The following LMNTD1 variants were observed in gnomAD, a reference collection of about 807,000 sequenced individuals.
The protein encoded by LMNTD1 is lamin tail domain-containing protein 1.
LMNTD1 carries 35 observed loss-of-function variants against 50.9 expected under a neutral mutation model. That is an observed-to-expected ratio of 0.69 (90% CI 0.53 to 0.91). The LOEUF (loss-of-function observed/expected upper bound fraction) is 0.91, where lower values mean the gene tolerates loss of function less well. LMNTD1 is among the 40% of genes least tolerant of loss of function. The pLI is 0.00. For synonymous variants in LMNTD1, 153 were observed against 161.9 expected, an observed-to-expected ratio of 0.94 and a Z score of 0.42; for missense variants, 470 against 475.5, an observed-to-expected ratio of 0.99 and a Z score of 0.11.
chr12:25,554,300 A>G (rs892365376), upstream of LMNTD1, among the ~76,000 whole-genome samples: 8 of 152,192 alleles, frequency 5.3e-5, no homozygotes, highest in Non-Finnish European at 5.9e-5. Context: ...TCTCTACTTG[A>G]ACTGCATATA....
intron 1 of LMNTD1, among the ~76,000 whole-genome samples, chr12:25,588,933 A>G (rs1945618871): frequency 6.6e-6 from 1 of 152,198 alleles, no homozygotes; most frequent in Non-Finnish European, 1.5e-5. Flanking sequence ...TCACAATGAG[A>G]TACTATTTAA....
At chr12:25,591,323 A>G (rs1305946626) in intron 1 of LMNTD1, among the ~76,000 whole-genome samples, 1 of 152,214 alleles carries the variant, frequency 6.6e-6, no homozygotes, top group African/African-American at 2.4e-5. Flanking sequence ...ACTGGCAGGC[A>G]GCATTCACCA....
chr12:25,541,205 T>C lies in LMNTD1; in HGVS notation c.491+5169A>G, dbSNP rs1415415980. Among the ~76,000 whole-genome samples, 2 of 78,910 alleles carry C rather than the reference T, an allele frequency of 2.5e-5. 1 individual carries two copies. The allele number at this position is 78,910 out of a possible 152,430, so 51.8% of individuals were successfully genotyped here. On this transcript the variant is annotated intron_variant, in intron 4 of 9. Transcript: ENST00000458174. ...CCCATCAAGCTACCAATGCCTTTCT[T>C]CACAGAATTGGAAAAAACTACTTTA...
At chr12:25,519,608 A>AAAAAAAAAAAAT (rs1941128354) in intron 7 of LMNTD1, among the ~76,000 whole-genome samples, 1 of 147,542 alleles carries the variant, frequency 6.8e-6, no homozygotes, top group Non-Finnish European at 1.5e-5. Flanking sequence ...AAAAAAAAAA[A>AAAAAAAAAAAAT]GTGAAATGGC....
intron 1 of LMNTD1, among the ~76,000 whole-genome samples, chr12:25,601,147 C>A (rs367711651): frequency 6.6e-6 from 1 of 151,950 alleles, no homozygotes; most frequent in African/African-American, 2.4e-5. Flanking sequence ...TCATTTGCAA[C>A]AACATGGATG....
intron 3 of LMNTD1, among the ~76,000 whole-genome samples, chr12:25,547,631 G>T (rs926617641): frequency 2.0e-5 from 3 of 151,332 alleles, no homozygotes; most frequent in East Asian, 3.9e-4. Flanking sequence ...AAAGTATTTT[G>T]CTGAGAAAAA....
chr12:25,527,681 T>TATATACACAC (rs1463259109), intron 4 of LMNTD1, among the ~76,000 whole-genome samples: 13 of 32,342 alleles, frequency 4.0e-4, no homozygotes, highest in Admixed American at 1.2e-3. Flanking sequence ...TATATATATA[T>TATATACACAC]ACACACACAC....
At chr12:25,638,508 T>C (rs1946884479) in intron 1 of LMNTD1, among the ~76,000 whole-genome samples, 3 of 151,982 alleles carry the variant, frequency 2.0e-5, no homozygotes, top group Non-Finnish European at 4.4e-5. Context: ...AAGATTAATA[T>C]ACAAAAAATA....
At chr12:25,487,859 C>G (rs1938714092) in intron 9 of LMNTD1, among the ~76,000 whole-genome samples, 1 of 88,340 alleles carries the variant, frequency 1.1e-5, no homozygotes, top group Non-Finnish European at 2.2e-5. Flanking sequence ...ATTTGCTTGT[C>G]TGTAAAGTAT....
At chr12:25,598,956 T>A (rs1003013568) in intron 1 of LMNTD1, among the ~76,000 whole-genome samples, 3 of 152,018 alleles carry the variant, frequency 2.0e-5, no homozygotes, top group African/African-American at 7.2e-5. Context: ...CTATTCAAAC[T>A]ATTCTGAAAA....
At chr12:25,571,532 G>A (rs1944796475) in intron 1 of LMNTD1, among the ~76,000 whole-genome samples, 1 of 151,710 alleles carries the variant, frequency 6.6e-6, no homozygotes, top group Admixed American at 6.6e-5. Context: ...CCCGGCTAAT[G>A]TTTTATATTT....
At chr12:25,558,251 G>T (rs566129185), upstream of LMNTD1, among the ~76,000 whole-genome samples, 1 of 151,912 alleles carries the variant, frequency 6.6e-6, no homozygotes, top group Non-Finnish European at 1.5e-5. Flanking sequence ...TTGATCTTTT[G>T]TATTGTTTTC....
At chr12:25,614,107 G>C (rs1381049204) in intron 1 of LMNTD1, among the ~76,000 whole-genome samples, 2 of 152,082 alleles carry the variant, frequency 1.3e-5, no homozygotes, top group Non-Finnish European at 2.9e-5. Flanking sequence ...GTGTCCATTG[G>C]GTTTATCAAG....
In LMNTD1 at chr12:25,565,975, G is replaced by A. The variant is rs574603911; in HGVS notation, c.59-19421C>T. On this transcript the variant is annotated intron_variant, in intron 1 of 7. Transcript: ENST00000445693. ...AAAGTCTGCTGCCAGGCATATTGGA[G>A]CTCCATTGTAGGTTATTTCTTTTCT... 3.7e-4 allele frequency among the ~76,000 whole-genome samples: 56 copies of A among 152,224 alleles called. 2 individuals are homozygous for A. The South Asian group carries it at 0.011, about 31-fold the overall frequency.
At chr12:25,547,203 A>C in intron 3 of LMNTD1, 1 of 964,764 alleles carries the variant, frequency 1.0e-6, no homozygotes, top group Non-Finnish European at 1.2e-6. Context: ...ATCTAATAAT[A>C]TATCCGCAAA....
At chr12:25,534,749 C>T (rs773577047) in intron 4 of LMNTD1, among the ~76,000 whole-genome samples, 1 of 152,178 alleles carries the variant, frequency 6.6e-6, no homozygotes, top group Non-Finnish European at 1.5e-5. Context: ...TGAAAAAGCT[C>T]ATAATTAATG....
chr12:25,477,293 T>C (rs1212652989), intron 9 of LMNTD1, among the ~76,000 whole-genome samples: 1 of 152,014 alleles, frequency 6.6e-6, no homozygotes, highest in African/African-American at 2.4e-5. Context: ...TGGGGACATC[T>C]TTGACTTCAG....
chr12:25,496,977 G>A (rs953688399), intron 9 of LMNTD1, among the ~76,000 whole-genome samples: 1 of 151,800 alleles, frequency 6.6e-6, no homozygotes, highest in African/African-American at 2.4e-5. Flanking sequence ...TTTTGTGTAT[G>A]GCTTATCTCA....
rs71065950 is a variant in LMNTD1 at position 25,520,145 on chromosome 12, CATATATATATATATATAT to C, written c.799-88_799-71del. 2.6e-5 allele frequency: 6 copies of C among 234,184 alleles called. 1 individual carries two copies. Among genetic ancestry groups the C allele is most frequent in the African/African-American group, 1.1e-4 (3 of 28,438 alleles). 14.5% of individuals were successfully genotyped at this position (234,184 alleles called of 1,614,324 possible). A position where few individuals can be genotyped will look rare whatever the true frequency, so the allele number is the denominator to read the frequency against. On this transcript the variant is annotated intron_variant, in intron 6 of 9. Transcript: ENST00000458174. Reference sequence around the variant, plus strand: ...TTACAACATGCTGTTATGAGATATACATATATATATATATATATATATATATATATAGTAAAATGGTTA... The same window carrying C: ...TTACAACATGCTGTTATGAGATATACATATATATATATAGTAAAATGGTTA...
Sources: gnomAD v4.1 joint callset for allele counts (sites outside exome capture counted in the v4.1 genomes callset) on GRCh38, gnomAD v4.1.1 for gene constraint, MANE v1.5 for transcripts, NCBI Gene and HGNC (gene_info 2026-07-23, HGNC 2026-07-21) for gene names.